KIF16B: variants seen among roughly 807,000 people sequenced by gnomAD.
The protein encoded by KIF16B is kinesin-like protein KIF16B.
KIF16B carries 98 observed loss-of-function variants against 156.3 expected under a neutral mutation model. The observed-to-expected ratio is 0.63, with a 90% CI of 0.53 to 0.74. KIF16B has a LOEUF of 0.74. Among genes scored for constraint, KIF16B ranks in the 30% least tolerant of loss-of-function variants. The pLI is 0.00. For synonymous variants in KIF16B, 564 were observed against 583.7 expected, an observed-to-expected ratio of 0.97 and a Z score of 0.49; for missense variants, 1,421 against 1,606.5, an observed-to-expected ratio of 0.88 and a Z score of 1.97.
chr20:16,352,515 C>G (rs1315737943), intron 23 of KIF16B, among the ~76,000 whole-genome samples: 1 of 152,140 alleles, frequency 6.6e-6, no homozygotes, highest in Non-Finnish European at 1.5e-5. Context: ...CATCTGGGAA[C>G]CCCCGTTGAC....
At chr20:16,408,601 C>T (rs933056948) in intron 15 of KIF16B, among the ~76,000 whole-genome samples, 26 of 151,950 alleles carry the variant, frequency 1.7e-4, no homozygotes, top group African/African-American at 6.0e-4. Context: ...TTGAAAATTG[C>T]TAAAATATGT....
chr20:16,457,001 T>C (rs2067228900), intron 12 of KIF16B, among the ~76,000 whole-genome samples: 2 of 152,078 alleles, frequency 1.3e-5, no homozygotes, highest in South Asian at 4.2e-4. Context: ...ACAAAAACAA[T>C]GATGATAACC....
intron 10 of KIF16B, among the ~76,000 whole-genome samples, chr20:16,499,513 A>G (rs1336455015): frequency 1.3e-5 from 2 of 152,232 alleles, no homozygotes; most frequent in African/African-American, 2.4e-5. Flanking sequence ...GCATCATTGC[A>G]TCTAACATGT....
intron 12 of KIF16B, among the ~76,000 whole-genome samples, chr20:16,486,450 T>A (rs1249408722): frequency 6.6e-6 from 1 of 152,210 alleles, no homozygotes; most frequent in Non-Finnish European, 1.5e-5. Context: ...CCACCTCTCA[T>A]CTCTTCTTCG....
rs367871182 is a variant in KIF16B at position 16,406,350 on chromosome 20, T to C, written c.1695+24A>G. On this transcript the variant is annotated intron_variant, in intron 16 of 25. Transcript: ENST00000354981. ...TCCTCACATACGATCAGTGGTTCCC[T>C]CCTAGAGACGCCGTGTCCCTCACCT... 1.2e-5 allele frequency: 20 copies of C among 1,606,500 alleles called. No individual in the cohort carries two copies. The African/African-American group carries it at 2.4e-4, about 19-fold the overall frequency.
intron 23 of KIF16B, among the ~76,000 whole-genome samples, chr20:16,342,395 G>C (rs914527964): frequency 4.6e-5 from 7 of 152,120 alleles, no homozygotes; most frequent in Non-Finnish European, 1.0e-4. Flanking sequence ...TTAGATGCCA[G>C]TAGTTTTCTG....
chr20:16,512,799 C>T (rs1380940217), intron 5 of KIF16B, 27 bp downstream of exon 5: 1 of 1,517,536 alleles, frequency 6.6e-7, no homozygotes, highest in Admixed American at 1.7e-5. Flanking sequence ...CAAGCTCACA[C>T]ACAGTTACCC....
chr20:16,469,247 T>C (rs2067586091), intron 12 of KIF16B, among the ~76,000 whole-genome samples: 2 of 102,554 alleles, frequency 2.0e-5, no homozygotes, highest in African/African-American at 3.6e-5. Context: ...AGCAGGACCC[T>C]GTGTCTTAAA....
intron 1 of KIF16B, among the ~76,000 whole-genome samples, chr20:16,534,241 C>G (rs1239090205): frequency 6.7e-6 from 1 of 149,328 alleles, no homozygotes; most frequent in South Asian, 2.1e-4. Flanking sequence ...GGTGAAAGAG[C>G]AAAGCTCTGT....
At chr20:16,452,751 C>A (rs7274819) in intron 12 of KIF16B, among the ~76,000 whole-genome samples, 3 of 151,500 alleles carry the variant, frequency 2.0e-5, no homozygotes, top group African/African-American at 4.9e-5. Flanking sequence ...AGGAGAATGG[C>A]ATGAACCTGG....
At chr20:16,384,717 C>A (rs961548958) in intron 17 of KIF16B, among the ~76,000 whole-genome samples, 1 of 152,034 alleles carries the variant, frequency 6.6e-6, no homozygotes, top group African/African-American at 2.4e-5. Flanking sequence ...GGACCCATGA[C>A]AACTGTTTGC....
chr20:16,462,363 T>C (rs1485803736), intron 12 of KIF16B, among the ~76,000 whole-genome samples: 2 of 152,224 alleles, frequency 1.3e-5, no homozygotes, highest in Non-Finnish European at 1.5e-5. Context: ...CATTCTTCTT[T>C]CATTTCACAA....
intron 25 of KIF16B, among the ~76,000 whole-genome samples, chr20:16,306,159 A>G (rs904548746): frequency 1.8e-4 from 27 of 152,192 alleles, no homozygotes; most frequent in African/African-American, 6.0e-4. Context: ...CCTGTGGTTC[A>G]CATGGTTCTT....
rs866154891 is a variant in KIF16B at position 16,273,165 on chromosome 20, C to T, written c.*88G>A. ...TGTCTTCAGCAGGAGGAGGCAGACCCGGATCCTCGCATGGGGGAGCTGCCC... is the reference window on the plus strand; with the variant it reads ...TGTCTTCAGCAGGAGGAGGCAGACCTGGATCCTCGCATGGGGGAGCTGCCC... On this transcript the variant is annotated 3_prime_UTR_variant, in exon 26 of 26. Transcript: ENST00000354981. 13 of 1,169,762 alleles carry T rather than the reference C, an allele frequency of 1.1e-5. No individual in the cohort carries two copies. Among genetic ancestry groups the T allele is most frequent in the South Asian group, 2.7e-5 (2 of 74,214 alleles). 72.5% of individuals were successfully genotyped at this position (1,169,762 alleles called of 1,614,324 possible). A position where few individuals can be genotyped will look rare whatever the true frequency, so the allele number is the denominator to read the frequency against.
At position 16,379,801 on chromosome 20, in the gene KIF16B, T is replaced by A; in HGVS notation, c.2201A>T (p.Gln734Leu). ...GGCATACTGTTCATCTTTTTCCTTT[T>A]GGAGCTGGTCCAGTTCTTGAAATAT... ...FQIFQELDQL[Q>L]KEKDEQYAKL... is the part of the protein sequence containing the mutation. Residue 734 changes from glutamine (Q) to leucine (L), a missense_variant, in exon 19 of 26, where the codon CAA becomes CTA. Physicochemically the swap from Gln to Leu is moderately radical, Grantham distance 113. Transcript: ENST00000354981. 1 of 1,614,230 alleles carries A rather than the reference T, an allele frequency of 6.2e-7. No individual in the cohort carries two copies. The highest frequency in any genetic ancestry group is 8.5e-7 in the Non-Finnish European group (1 of 1,180,050).
chr20:16,450,892 G>T (rs2067061972), intron 12 of KIF16B, among the ~76,000 whole-genome samples: 1 of 152,200 alleles, frequency 6.6e-6, no homozygotes. Context: ...ACAGTAAAAT[G>T]ATGTGAGCAG....
chr20:16,409,991 ATGTAGG>A (rs2065889292), intron 15 of KIF16B, among the ~76,000 whole-genome samples: 7 of 109,076 alleles, frequency 6.4e-5, no homozygotes, highest in African/African-American at 7.0e-5. Flanking sequence ...ATATATATAT[ATGTAGG>A]TACATATATA....
chr20:16,429,112 C>T (rs1600373507), intron 13 of KIF16B, 108 bp from the exon 14 acceptor site: 2 of 908,992 alleles, frequency 2.2e-6, no homozygotes, highest in East Asian at 2.5e-5. Flanking sequence ...GGATGAACAA[C>T]ATCCTGGCAG....
chr20:16,342,961 T>C (rs1302760127), intron 23 of KIF16B, among the ~76,000 whole-genome samples: 2 of 152,070 alleles, frequency 1.3e-5, no homozygotes, highest in African/African-American at 4.8e-5. Context: ...AAAGGCAAAA[T>C]TAAGAGACAA....
Sources: gnomAD v4.1 joint callset for allele counts (sites outside exome capture counted in the v4.1 genomes callset) on GRCh38, gnomAD v4.1.1 for gene constraint, MANE v1.5 for transcripts, NCBI Gene and HGNC (gene_info 2026-07-23, HGNC 2026-07-21) for gene names.